The following CPED1 variants were observed in gnomAD, a reference collection of about 807,000 sequenced individuals.
CPED1 encodes cadherin-like and PC-esterase domain-containing protein 1.
CPED1 carries 114 observed loss-of-function variants against 128.2 expected under a neutral mutation model. The ratio of observed to expected loss-of-function variants is 0.89; its 90% CI spans 0.76 to 1.04. The LOEUF (loss-of-function observed/expected upper bound fraction) is 1.04, where lower values mean the gene tolerates loss of function less well. Ranked by LOEUF, CPED1 falls within the 50% of genes least tolerant of loss-of-function variation. CPED1 has a pLI of 0.00. For synonymous variants in CPED1, 462 were observed against 426.7 expected (o/e 1.08, Z -1.02); for missense variants, 1,211 against 1,207.1 (o/e 1.00, Z -0.05).
chr7:121,262,872 G>C lies in CPED1; in HGVS notation c.2311-3355G>C, dbSNP rs931066716. Among the ~76,000 whole-genome samples, 10 of 152,038 alleles carry C rather than the reference G, an allele frequency of 6.6e-5. 1 individual carries two copies. The highest frequency in any genetic ancestry group is 1.3e-4 in the Non-Finnish European group (9 of 67,980). ...ATGCACATTAAAAAGCTGACATTTT[G>C]AAGTTAGACATCTTTTAGTTAGAAA... On this transcript the variant is annotated intron_variant, in intron 18 of 22. Transcript: ENST00000310396.
At chr7:121,078,060 T>C (rs1189858305) in intron 5 of CPED1, among the ~76,000 whole-genome samples, 1 of 150,538 alleles carries the variant, frequency 6.6e-6, no homozygotes, top group Non-Finnish European at 1.5e-5. Flanking sequence ...GTTTTGTTTT[T>C]GTTTTTGAGA....
chr7:121,040,648 T>C (rs1265594507), intron 3 of CPED1, among the ~76,000 whole-genome samples: 1 of 152,036 alleles, frequency 6.6e-6, no homozygotes, highest in Non-Finnish European at 1.5e-5. Flanking sequence ...ATAGGGATTT[T>C]ATAATTTAGT....
intron 7 of CPED1, among the ~76,000 whole-genome samples, chr7:121,113,199 G>T (rs1795153687): frequency 6.6e-6 from 1 of 152,174 alleles, no homozygotes; most frequent in African/African-American, 2.4e-5. Context: ...ATCATTCACA[G>T]CTAATTCAAC....
intron 5 of CPED1, among the ~76,000 whole-genome samples, chr7:121,069,849 G>A (rs1793944355): frequency 6.6e-6 from 1 of 152,026 alleles, no homozygotes; most frequent in Admixed American, 6.6e-5. Flanking sequence ...GTGAGTTGTT[G>A]TTTTTGTTCT....
At chr7:121,272,498 T>G (rs555227717) in intron 22 of CPED1, among the ~76,000 whole-genome samples, 1 of 152,018 alleles carries the variant, frequency 6.6e-6, no homozygotes, top group Non-Finnish European at 1.5e-5. Context: ...AGTAGATTCC[T>G]TTTTTGGCTC....
At chr7:121,060,880 G>T (rs1292593303) in intron 4 of CPED1, among the ~76,000 whole-genome samples, 2 of 152,192 alleles carry the variant, frequency 1.3e-5, no homozygotes, top group East Asian at 3.8e-4. Flanking sequence ...CTGCCTTTAT[G>T]AGCTGTAACA....
At position 121,107,775 on chromosome 7, in the gene CPED1, A is replaced by G. The variant is rs1795014127; in HGVS notation, c.918+7681A>G. On this transcript the variant is annotated intron_variant, in intron 7 of 22. Transcript: ENST00000310396. Reference sequence around the variant, plus strand: ...GTACGTTTTGAAACTTATTAAATGTATATCATTTTTGAGATTTTTATTAAC... The same window carrying G: ...GTACGTTTTGAAACTTATTAAATGTGTATCATTTTTGAGATTTTTATTAAC... Among the ~76,000 whole-genome samples the G allele has an allele frequency of 1.3e-5, 2 of 152,124 alleles. 1 individual carries two copies. Among genetic ancestry groups the G allele is most frequent in the Admixed American group, 1.3e-4 (2 of 15,248 alleles).
chr7:121,037,073 T>C (rs951836669), intron 3 of CPED1, among the ~76,000 whole-genome samples: 2 of 152,214 alleles, frequency 1.3e-5, no homozygotes, highest in African/African-American at 4.8e-5. Flanking sequence ...GAAGATTTTC[T>C]TTCCCTCTGT....
intron 3 of CPED1, among the ~76,000 whole-genome samples, chr7:121,028,073 C>T (rs950539253): frequency 8.5e-5 from 13 of 152,130 alleles, no homozygotes; most frequent in Non-Finnish European, 1.5e-4. Context: ...ATGGTACCTA[C>T]TGATTTGCTA....
intron 16 of CPED1, among the ~76,000 whole-genome samples, chr7:121,219,739 A>G (rs544976097): frequency 1.3e-5 from 2 of 152,182 alleles, no homozygotes; most frequent in South Asian, 4.1e-4. Flanking sequence ...TCCAAACATA[A>G]ACAGCAAGGG....
Position 121,266,708 on chromosome 7 carries a change from T to C in CPED1, c.2533T>C (p.Ser845Pro). 7 of 1,611,642 alleles carry C rather than the reference T, an allele frequency of 4.3e-6. No individual in the cohort carries two copies. Among genetic ancestry groups the C allele is most frequent in the Non-Finnish European group, 5.9e-6 (7 of 1,178,188 alleles). ...ENALEHLLQR[S>P]RPLENTGQTV... ...GTTGTTTTTCTTTCTGAATTTCAGA[T>C]CACGTCCCCTAGAGAATACTGGCCA... is the stretch of plus-strand genomic sequence containing the variant. The change falls in exon 20 of 23, where the codon TCA (serine) becomes CCA (proline). Residue 845 changes from serine (S) to proline (P), a missense_variant and splice_region_variant. By Grantham distance (74) the Ser-to-Pro change is moderately conservative. Transcript: ENST00000310396.
intron 3 of CPED1, among the ~76,000 whole-genome samples, chr7:121,024,111 T>C (rs926484072): frequency 6.6e-6 from 1 of 152,140 alleles, no homozygotes; most frequent in East Asian, 1.9e-4. Context: ...TTTATTGTTA[T>C]TTTCCTCAGT....
intron 2 of CPED1, among the ~76,000 whole-genome samples, chr7:121,008,045 C>T (rs940323551): frequency 1.3e-4 from 20 of 151,946 alleles, no homozygotes; most frequent in African/African-American, 4.1e-4. Flanking sequence ...GGGTGGCTTG[C>T]GGTTTTTAGA....
chr7:121,220,116 A>G (rs1325072191), intron 16 of CPED1, among the ~76,000 whole-genome samples: 1 of 152,040 alleles, frequency 6.6e-6, no homozygotes, highest in Non-Finnish European at 1.5e-5. Flanking sequence ...ATAAAAGGAA[A>G]TAGAGTTTAG....
chr7:121,041,176 T>G (rs1793042196), intron 3 of CPED1, among the ~76,000 whole-genome samples: 1 of 152,130 alleles, frequency 6.6e-6, no homozygotes, highest in South Asian at 2.1e-4. Context: ...TATACTTGCT[T>G]TTGATTTAAT....
intron 7 of CPED1, among the ~76,000 whole-genome samples, chr7:121,110,982 AAG>A (rs1346837699): frequency 1.3e-5 from 2 of 152,132 alleles, no homozygotes; most frequent in African/African-American, 4.8e-5. Flanking sequence ...TGAGAGGCTA[AAG>A]AGAGAGGGTT....
intron 3 of CPED1, among the ~76,000 whole-genome samples, chr7:121,022,299 T>G (rs1372096067): frequency 6.6e-6 from 1 of 152,060 alleles, no homozygotes; most frequent in African/African-American, 2.4e-5. Flanking sequence ...ATATTCTATT[T>G]AGACTTAAGT....
intron 17 of CPED1, among the ~76,000 whole-genome samples, chr7:121,239,751 T>G (rs1422187715): frequency 6.6e-6 from 1 of 152,216 alleles, no homozygotes; most frequent in Non-Finnish European, 1.5e-5. Flanking sequence ...CGTTGTATCA[T>G]TCAATCTGAT....
chr7:121,135,535 G>A (rs967788925), intron 13 of CPED1, among the ~76,000 whole-genome samples: 8 of 152,062 alleles, frequency 5.3e-5, no homozygotes, highest in African/African-American at 1.9e-4. Flanking sequence ...GTGAAGAGCT[G>A]AGAGAAACTG....
Sources: gnomAD v4.1 joint callset for allele counts (sites outside exome capture counted in the v4.1 genomes callset) on GRCh38, gnomAD v4.1.1 for gene constraint, MANE v1.5 for transcripts, NCBI Gene and HGNC (gene_info 2026-07-23, HGNC 2026-07-21) for gene names.